Variants in BMERB1 observed in about 807,000 individuals in gnomAD.
The protein encoded by BMERB1 is bMERB domain containing 1, also known as bMERB domain-containing protein 1.
In BMERB1, 12 loss-of-function variants were observed where a neutral mutation model predicts 23.6. That is an observed-to-expected ratio of 0.51 (90% confidence interval 0.33 to 0.82). BMERB1 has a LOEUF of 0.82. Among genes scored for constraint, BMERB1 ranks in the 40% least tolerant of loss-of-function variants. The pLI is 0.03. For missense variants in BMERB1, 247 were observed against 255.4 expected, an observed-to-expected ratio of 0.97 and a Z score of 0.22; for synonymous variants, 122 against 96.6, an observed-to-expected ratio of 1.26 and a Z score of -1.54.
At chr16:15,545,973 C>T (rs1437607667) in intron 2 of BMERB1, among the ~76,000 whole-genome samples, 2 of 151,930 alleles carry the variant, frequency 1.3e-5, no homozygotes, top group Non-Finnish European at 2.9e-5. Context: ...CAAAGAAGGT[C>T]TTCTTTGACA....
At chr16:15,451,338 A>G (rs1289095015) in intron 1 of BMERB1, among the ~76,000 whole-genome samples, 2 of 151,756 alleles carry the variant, frequency 1.3e-5, no homozygotes, top group Non-Finnish European at 2.9e-5. Context: ...CCACAGGTGC[A>G]TGCCACTATG....
chr16:15,511,485 C>T (rs1232907211), intron 1 of BMERB1, among the ~76,000 whole-genome samples: 1 of 152,164 alleles, frequency 6.6e-6, no homozygotes. Flanking sequence ...TGTTCAGTGA[C>T]CCCCTCTCCA....
chr16:15,496,203 G>GTGGTGA (rs1184310962), intron 1 of BMERB1, among the ~76,000 whole-genome samples: 1 of 152,062 alleles, frequency 6.6e-6, no homozygotes, highest in East Asian at 1.9e-4. Context: ...GATAGTGATA[G>GTGGTGA]TGGTGATGGT....
chr16:15,544,014 T>A (rs2052109822), intron 2 of BMERB1, among the ~76,000 whole-genome samples: 1 of 152,182 alleles, frequency 6.6e-6, no homozygotes, highest in African/African-American at 2.4e-5. Context: ...AGTACATGTA[T>A]CTGACTTTGT....
chr16:15,510,792 C>G (rs2051654883), intron 1 of BMERB1, among the ~76,000 whole-genome samples: 1 of 151,524 alleles, frequency 6.6e-6, no homozygotes, highest in South Asian at 2.1e-4. Flanking sequence ...GCCTCTGCCT[C>G]CCAGGTTCAT....
At chr16:15,581,369 G>A (rs1313102022) in intron 4 of BMERB1, 38 bp downstream of exon 4, 2 of 1,545,508 alleles carry the variant, frequency 1.3e-6, no homozygotes, top group Non-Finnish European at 8.9e-7. Context: ...TGGGCTGCAG[G>A]ACAGCAACCT....
chr16:15,550,456 G>A (rs190452842), intron 2 of BMERB1, among the ~76,000 whole-genome samples: 18 of 150,762 alleles, frequency 1.2e-4, no homozygotes, highest in African/African-American at 3.2e-4. Flanking sequence ...CCTCAGCCCC[G>A]CAAGTTGCTG....
intron 2 of BMERB1, among the ~76,000 whole-genome samples, chr16:15,539,003 G>C (rs2052053773): frequency 6.6e-6 from 1 of 152,092 alleles, no homozygotes; most frequent in South Asian, 2.1e-4. Flanking sequence ...CCAGGGATGG[G>C]GTGGGGGCAT....
At chr16:15,553,918 T>C (rs1455360269) in intron 2 of BMERB1, among the ~76,000 whole-genome samples, 1 of 152,204 alleles carries the variant, frequency 6.6e-6, no homozygotes, top group African/African-American at 2.4e-5. Context: ...CACATCTCCA[T>C]GCCATGCTCT....
At chr16:15,460,693 G>A (rs1413372822) in intron 1 of BMERB1, among the ~76,000 whole-genome samples, 1 of 152,178 alleles carries the variant, frequency 6.6e-6, no homozygotes, top group African/African-American at 2.4e-5. Flanking sequence ...TTGGCTGAAC[G>A]TTAATTAGTT....
chr16:15,511,224 T>A (rs2051660400), intron 1 of BMERB1, among the ~76,000 whole-genome samples: 1 of 151,940 alleles, frequency 6.6e-6, no homozygotes, highest in Non-Finnish European at 1.5e-5. Context: ...CAGACATCGC[T>A]CCCTCTCCCC....
At chr16:15,450,734 G>C (rs1404289217) in intron 1 of BMERB1, among the ~76,000 whole-genome samples, 1 of 152,122 alleles carries the variant, frequency 6.6e-6, no homozygotes, top group African/African-American at 2.4e-5. Context: ...GCCTCCCAAA[G>C]TGCTGGGATT....
chr16:15,451,034 T>A (rs2051036953), intron 1 of BMERB1, among the ~76,000 whole-genome samples: 2 of 152,098 alleles, frequency 1.3e-5, no homozygotes, highest in Admixed American at 1.3e-4. Flanking sequence ...AGTGTGAGAT[T>A]TAAAGCCTCA....
At position 15,543,704 on chromosome 16, in the gene BMERB1, C is replaced by G. The variant is rs554474449; in HGVS notation, c.231-24279C>G. Among the ~76,000 whole-genome samples, 7 of 149,258 alleles carry G rather than the reference C, an allele frequency of 4.7e-5. 1 individual carries two copies. In the South Asian group the frequency reaches 1.5e-3, roughly 31 times the overall value. On this transcript the variant is annotated intron_variant, in intron 2 of 5. Transcript: ENST00000300006. Reference sequence around the variant, plus strand: ...GGCATGGTAGTGTGTACCCATAATCCCAGCTACTCAGGAGGCTGAGGTGGG... The same window carrying G: ...GGCATGGTAGTGTGTACCCATAATCGCAGCTACTCAGGAGGCTGAGGTGGG...
At chr16:15,483,722 A>G (rs1378921400) in intron 1 of BMERB1, among the ~76,000 whole-genome samples, 1 of 152,052 alleles carries the variant, frequency 6.6e-6, no homozygotes, top group Non-Finnish European at 1.5e-5. Context: ...CTGATCTACA[A>G]CTATGTAAAC....
chr16:15,470,561 C>G (rs2051220095), intron 1 of BMERB1, among the ~76,000 whole-genome samples: 1 of 149,952 alleles, frequency 6.7e-6, no homozygotes, highest in Non-Finnish European at 1.5e-5. Flanking sequence ...GAGTCTTTCT[C>G]TGTCGCAAGG....
At chr16:15,504,533 C>G (rs1336353007) in intron 1 of BMERB1, among the ~76,000 whole-genome samples, 3 of 151,722 alleles carry the variant, frequency 2.0e-5, no homozygotes, top group African/African-American at 7.3e-5. Context: ...CTGAAGCCCT[C>G]AAACTCCTGG....
rs561536741 is a variant in BMERB1 at position 15,466,985 on chromosome 16, G to A, written c.106+32226G>A. Among the ~76,000 whole-genome samples, 11 of 152,228 alleles carry A rather than the reference G, an allele frequency of 7.2e-5. No homozygotes were observed. The South Asian group carries it at 2.1e-3, about 29-fold the overall frequency. On this transcript the variant is annotated intron_variant, in intron 1 of 5. Transcript: ENST00000300006. The stretch of plus-strand genomic sequence containing the variant: ...TTTGAGATTGGCTTTTTCACTCACC[G>A]TAATTCTCTCAAGATCCATCCAAGT...
chr16:15,492,082 G>C (rs2051426297), intron 1 of BMERB1, among the ~76,000 whole-genome samples: 1 of 152,188 alleles, frequency 6.6e-6, no homozygotes, highest in African/African-American at 2.4e-5. Context: ...CTGCAGAGGA[G>C]CGACCATCCA....
Sources: gnomAD v4.1 joint callset for allele counts (sites outside exome capture counted in the v4.1 genomes callset) on GRCh38, gnomAD v4.1.1 for gene constraint, MANE v1.5 for transcripts, NCBI Gene and HGNC (gene_info 2026-07-23, HGNC 2026-07-21) for gene names.